LRP1B: variants seen among roughly 807,000 people sequenced by gnomAD.
LRP1B encodes low-density lipoprotein receptor-related protein 1B.
A neutral mutation model predicts 556.6 loss-of-function variants in LRP1B; 217 were observed. The ratio of observed to expected loss-of-function variants is 0.39; its 90% confidence interval spans 0.35 to 0.44. The LOEUF is 0.44. Ranked by LOEUF, LRP1B falls within the 20% of genes least tolerant of loss-of-function variation. The pLI is 1.00. For synonymous variants in LRP1B, 2,047 were observed against 1,865.8 expected (o/e 1.10, Z -2.50); for missense variants, 5,053 against 5,620.8 (o/e 0.90, Z 3.23).
intron 3 of LRP1B, among the ~76,000 whole-genome samples, chr2:141,259,789 A>G (rs1228005121): frequency 6.6e-6 from 1 of 152,192 alleles, no homozygotes; most frequent in East Asian, 1.9e-4. Context: ...TAAAATGGGG[A>G]TAATAATAGA....
At position 140,233,091 on chromosome 2, in the gene LRP1B, A is replaced by T. The variant is rs2104870015; in HGVS notation, c.*95T>A. ...CCAGGAAAAAGATAAAGAAAGAGGT[A>T]ATGCTGATGCCAAAACAAGTATAAT... On this transcript the variant is annotated 3_prime_UTR_variant, in exon 91 of 91. Transcript: ENST00000389484. 2 of 751,318 alleles carry T rather than the reference A, an allele frequency of 2.7e-6. No individual in the cohort carries two copies. Among genetic ancestry groups the T allele is most frequent in the Non-Finnish European group, 3.9e-6 (2 of 515,270 alleles). The allele number at this position is 751,318 out of a possible 1,614,324, so 46.5% of individuals were successfully genotyped here.
intron 41 of LRP1B, among the ~76,000 whole-genome samples, chr2:140,684,530 T>C (rs1244204030): frequency 6.6e-6 from 1 of 152,148 alleles, no homozygotes; most frequent in East Asian, 1.9e-4. Flanking sequence ...CGAATCCCAG[T>C]TTTGTGAATA....
intron 7 of LRP1B, among the ~76,000 whole-genome samples, chr2:141,141,750 T>C (rs1006182962): frequency 2.0e-5 from 3 of 152,136 alleles, no homozygotes; most frequent in Admixed American, 6.5e-5. Context: ...TCACCAAGAA[T>C]AGTTTTTATT....
At chr2:142,037,233 G>T (rs1217071841) in intron 1 of LRP1B, among the ~76,000 whole-genome samples, 1 of 151,634 alleles carries the variant, frequency 6.6e-6, no homozygotes, top group African/African-American at 2.4e-5. Context: ...CATTCTCTCT[G>T]AGAAAGCCTA....
intron 3 of LRP1B, among the ~76,000 whole-genome samples, chr2:141,299,920 CAT>C (rs1686322901): frequency 6.6e-6 from 1 of 152,132 alleles, no homozygotes; most frequent in Non-Finnish European, 1.5e-5. Context: ...AGCCAAATTT[CAT>C]ATGTTGAAAT....
intron 2 of LRP1B, among the ~76,000 whole-genome samples, chr2:141,597,011 G>A (rs1338028512): frequency 6.7e-6 from 1 of 150,310 alleles, no homozygotes; most frequent in Non-Finnish European, 1.5e-5. Flanking sequence ...GTGTGTGTGT[G>A]CATATATATA....
At position 140,328,897 on chromosome 2, in the gene LRP1B, C is replaced by T. The variant is rs370419597; in HGVS notation, c.12224-3019G>A. Among the ~76,000 whole-genome samples the T allele has an allele frequency of 2.6e-3, 397 of 152,076 alleles. 2 individuals carry two copies. Among genetic ancestry groups the T allele is most frequent in the African/African-American group, 9.2e-3 (381 of 41,516 alleles). On this transcript the variant is annotated intron_variant, in intron 79 of 90. Coordinates refer to ENST00000389484, the MANE Select transcript of LRP1B (RefSeq NM_018557.3). Reference sequence around the variant, plus strand: ...GCAAAATAATCCTAACATTCATATCCACTTTATTTAACTAGAGACATTATG... The same window carrying T: ...GCAAAATAATCCTAACATTCATATCTACTTTATTTAACTAGAGACATTATG...
chr2:140,467,472 C>A (rs1687593098), intron 60 of LRP1B, among the ~76,000 whole-genome samples: 1 of 151,612 alleles, frequency 6.6e-6, no homozygotes, highest in Non-Finnish European at 1.5e-5. Flanking sequence ...ATTTGCTGGG[C>A]CTGGTGGCAG....
chr2:140,647,398 CATTT>C (rs1447805370), intron 41 of LRP1B, among the ~76,000 whole-genome samples: 2 of 152,034 alleles, frequency 1.3e-5, no homozygotes, highest in African/African-American at 2.4e-5. Context: ...CAGAGTTTCC[CATTT>C]ATTTACTTAT....
chr2:140,295,078 G>A (rs1039707849), intron 84 of LRP1B, among the ~76,000 whole-genome samples: 13 of 151,728 alleles, frequency 8.6e-5, no homozygotes, highest in Non-Finnish European at 1.8e-4. Flanking sequence ...GCGTTTCACC[G>A]TCTCTAGACC....
At chr2:140,708,899 T>C (rs1686935453) in intron 37 of LRP1B, among the ~76,000 whole-genome samples, 1 of 151,556 alleles carries the variant, frequency 6.6e-6, no homozygotes, top group South Asian at 2.1e-4. Flanking sequence ...GCATTATTCC[T>C]ATGGTAAATC....
At chr2:141,398,455 A>C (rs573112289) in intron 3 of LRP1B, among the ~76,000 whole-genome samples, 1 of 152,332 alleles carries the variant, frequency 6.6e-6, no homozygotes, top group Admixed American at 6.5e-5. Flanking sequence ...GAAGGTCTAA[A>C]ATGATGTTAT....
chr2:140,500,422 AG>A (rs1353106880), intron 55 of LRP1B, among the ~76,000 whole-genome samples: 1 of 151,992 alleles, frequency 6.6e-6, no homozygotes, highest in Non-Finnish European at 1.5e-5. Context: ...TAAGGCTGGC[AG>A]GAACAATGGC....
At position 140,950,290 on chromosome 2, in the gene LRP1B, A is replaced by G. The variant is rs1338241688; in HGVS notation, c.3081T>C (p.Gly1027=). 7.4e-6 allele frequency: 12 copies of G among 1,613,046 alleles called. No homozygotes were observed. The highest frequency in any genetic ancestry group is 1.7e-4 in the Middle Eastern group (1 of 6,054). The change falls in exon 20 of 91, where the codon GGT becomes GGC. Residue 1027 remains glycine (G), a synonymous_variant. Transcript: ENST00000389484. Reference sequence around the variant, plus strand: ...CACTGAAGTCCCCACAGTCATTGTCACCATCACAGGCCCAGTGGCCTGGGA... The same window carrying G: ...CACTGAAGTCCCCACAGTCATTGTCGCCATCACAGGCCCAGTGGCCTGGGA... The part of the protein sequence containing the change: ...RCIPGHWACD[G]DNDCGDFSDE...
intron 43 of LRP1B, among the ~76,000 whole-genome samples, chr2:140,558,951 A>G (rs1220483632): frequency 1.3e-5 from 2 of 152,070 alleles, no homozygotes; most frequent in African/African-American, 4.8e-5. Context: ...GGAAAAAAAA[A>G]AAAAACAAAC....
At chr2:141,965,713 A>G (rs1467255151) in intron 1 of LRP1B, among the ~76,000 whole-genome samples, 1 of 145,036 alleles carries the variant, frequency 6.9e-6, no homozygotes, top group Non-Finnish European at 1.5e-5. Context: ...AACCTGCACA[A>G]TGTGCACATG....
At chr2:141,569,092 T>C (rs905751283) in intron 2 of LRP1B, among the ~76,000 whole-genome samples, 4 of 151,066 alleles carry the variant, frequency 2.6e-5, no homozygotes, top group Non-Finnish European at 5.9e-5. Flanking sequence ...GTACCAAATG[T>C]ATGTAAGGCA....
chr2:140,867,971 G>T, intron 26 of LRP1B, 128 bp downstream of exon 26: 1 of 1,262,706 alleles, frequency 7.9e-7, no homozygotes. Flanking sequence ...TTTGGGGCAA[G>T]CAAAAAAAAA....
intron 7 of LRP1B, among the ~76,000 whole-genome samples, chr2:141,129,202 A>G (rs575397795): frequency 2.0e-5 from 3 of 152,220 alleles, no homozygotes; most frequent in South Asian, 4.1e-4. Context: ...ATAACTTAAA[A>G]TAATTTCTGA....
Sources: allele counts gnomAD v4.1 joint callset (sites outside exome capture counted in the v4.1 genomes callset), GRCh38; gene constraint gnomAD v4.1.1; transcripts MANE v1.5; gene names NCBI Gene and HGNC (gene_info 2026-07-23, HGNC 2026-07-21).